UBR4: variants seen among roughly 807,000 people sequenced by gnomAD.
The protein encoded by UBR4 is ubiquitin protein ligase E3 component n-recognin 4, also known as E3 ubiquitin-protein ligase UBR4.
UBR4 carries 124 observed loss-of-function variants against 575.6 expected under a neutral mutation model. The observed-to-expected ratio is 0.22, with a 90% CI of 0.19 to 0.25. UBR4 has a LOEUF of 0.25. UBR4 is among the 10% of genes least tolerant of loss of function. The pLI, the probability that UBR4 is intolerant of heterozygous loss-of-function variation, is 1.00. For synonymous variants in UBR4, 2,455 were observed against 2,473.7 expected (o/e 0.99, Z 0.22); for missense variants, 4,818 against 6,478.8 (o/e 0.74, Z 8.80).
At chr1:19,158,888 T>A (rs1006216670) in intron 39 of UBR4, among the ~76,000 whole-genome samples, 16 of 152,044 alleles carry the variant, frequency 1.1e-4, no homozygotes, top group African/African-American at 3.9e-4. Flanking sequence ...ACACCTATAA[T>A]CCCAGCACTT....
At chr1:19,109,167 C>T (rs1018746760) in intron 81 of UBR4, among the ~76,000 whole-genome samples, 7 of 152,278 alleles carry the variant, frequency 4.6e-5, no homozygotes, top group Non-Finnish European at 1.0e-4. Context: ...AAGGGATGGC[C>T]CATCAGACAG....
At chr1:19,179,598 T>C (rs2090659236) in intron 17 of UBR4, among the ~76,000 whole-genome samples, 1 of 152,210 alleles carries the variant, frequency 6.6e-6, no homozygotes, top group Non-Finnish European at 1.5e-5. Context: ...AGTTTTTCTT[T>C]AATAATCAGT....
At chr1:19,143,204 AG>A (rs1390624337) in intron 55 of UBR4, among the ~76,000 whole-genome samples, 1 of 149,862 alleles carries the variant, frequency 6.7e-6, no homozygotes, top group Non-Finnish European at 1.5e-5. Flanking sequence ...GAAGGAAGGA[AG>A]GAAGGAAAGA....
chr1:19,161,769 G>A (rs1201738822), intron 36 of UBR4, 33 bp from the exon 37 acceptor site: 1 of 1,613,792 alleles, frequency 6.2e-7, no homozygotes, highest in African/African-American at 1.3e-5. Flanking sequence ...AATAAGCTCA[G>A]AAGTCCCAAC....
At chr1:19,079,666 G>A (rs767757681) in intron 103 of UBR4, 1 of 152,336 alleles carries the variant, frequency 6.6e-6, no homozygotes, top group Non-Finnish European at 1.5e-5. Context: ...CCCAGCATCA[G>A]GATGATATCT....
chr1:19,124,666 C>T lies in UBR4; in HGVS notation c.9463G>A (p.Ala3155Thr). The change falls in exon 65 of 106, where the codon GCC becomes ACC. Residue 3155 changes from alanine (A) to threonine (T), a missense_variant. Around this residue, in one of 29 missense-constraint regions of UBR4, gnomAD observed 550 missense variants for 791.5 expected, o/e 0.69. Coordinates refer to ENST00000375254, the MANE Select transcript of UBR4 (RefSeq NM_020765.3). ...ATTTCTGTTAGAAGCTGAGTATAGG[C>T]CTCAAACACATCAGCAGCATGACCC... ...VKGHAADVFE[A>T]YTQLLTEMVL... is the part of the protein sequence containing the mutation. 4 of 1,614,008 alleles carry T rather than the reference C, an allele frequency of 2.5e-6. No homozygotes were observed. The highest frequency in any genetic ancestry group is 3.4e-6 in the Non-Finnish European group (4 of 1,179,976).
chr1:19,145,990 G>A, intron 52 of UBR4, 57 bp from the exon 53 acceptor site: 1 of 1,613,114 alleles, frequency 6.2e-7, no homozygotes, highest in Admixed American at 1.7e-5. Context: ...AATTTAATTT[G>A]TTTTAAGGTT....
chr1:19,176,524 A>G (rs750575529), intron 20 of UBR4, 68 bp downstream of exon 20: 2 of 1,573,322 alleles, frequency 1.3e-6, no homozygotes, highest in East Asian at 2.3e-5. Context: ...AGAGTCCCCA[A>G]GCTTCAAATT....
At chr1:19,127,944 C>G (rs958497859) in intron 62 of UBR4, among the ~76,000 whole-genome samples, 1 of 152,160 alleles carries the variant, frequency 6.6e-6, no homozygotes, top group Non-Finnish European at 1.5e-5. Context: ...AAGATACGAA[C>G]AACTAATTTA....
At chr1:19,097,418 G>A in intron 90 of UBR4, 138 bp from the exon 91 acceptor site, 1 of 580,166 alleles carries the variant, frequency 1.7e-6, no homozygotes, top group Non-Finnish European at 3.0e-6. Context: ...ACAACATCTA[G>A]AATCCAAATG....
chr1:19,156,544 A>G, intron 41 of UBR4, 121 bp from the exon 42 acceptor site: 1 of 1,329,980 alleles, frequency 7.5e-7, no homozygotes. Context: ...CAGTATTTAG[A>G]CTGTCTAGTA....
Position 19,153,570 on chromosome 1 carries a change from A to G in UBR4, c.6631-68T>C. On this transcript the variant is annotated intron_variant, in intron 45 of 105. Coordinates refer to ENST00000375254, the MANE Select transcript of UBR4 (RefSeq NM_020765.3). This position sits in a 1 kb window ranked among gnomAD's most constrained non-coding sequence, Gnocchi z 4.1. ...CAGATCAGCATCCTCACAGAAAAAG[A>G]GGCAGAGATGCAACTGGTTTCATGG... 1 of 1,583,058 alleles carries G rather than the reference A, an allele frequency of 6.3e-7. No homozygotes were observed. Among genetic ancestry groups the G allele is most frequent in the Non-Finnish European group, 8.6e-7 (1 of 1,156,082 alleles).
intron 54 of UBR4, 137 bp downstream of exon 54, chr1:19,144,649 C>T: frequency 7.9e-7 from 1 of 1,268,410 alleles, no homozygotes; most frequent in Non-Finnish European, 1.1e-6. Flanking sequence ...GATCTTAAAG[C>T]TTTTATTGAT....
chr1:19,107,299 A>G lies in UBR4; in HGVS notation c.12106-333T>C, dbSNP rs1194216891. 3.9e-5 allele frequency among the ~76,000 whole-genome samples: 6 copies of G among 152,118 alleles called. 1 individual carries two copies. The South Asian group carries it at 1.2e-3, about 32-fold the overall frequency. Reference sequence around the variant, plus strand: ...AAGCAAAAACCTTCCTAGGGTCACAAGCAGCCTCCAGAATGCAAACTGTCA... The same window carrying G: ...AAGCAAAAACCTTCCTAGGGTCACAGGCAGCCTCCAGAATGCAAACTGTCA... On this transcript the variant is annotated intron_variant, in intron 81 of 105. Coordinates refer to ENST00000375254, the MANE Select transcript of UBR4 (RefSeq NM_020765.3).
intron 11 of UBR4, among the ~76,000 whole-genome samples, chr1:19,190,503 C>T (rs1443258647): frequency 1.3e-5 from 2 of 151,664 alleles, no homozygotes; most frequent in East Asian, 3.9e-4. Flanking sequence ...ATCCAACTGC[C>T]CACTCAACAT....
chr1:19,166,504 G>A (rs1244868663), intron 29 of UBR4, among the ~76,000 whole-genome samples: 2 of 151,828 alleles, frequency 1.3e-5, no homozygotes, highest in East Asian at 1.9e-4. Flanking sequence ...CACAAAAAAC[G>A]ACTCCAAAAA....
Position 19,084,635 on chromosome 1 carries a change from A to G in UBR4, c.14877T>C (p.His4959=), listed in dbSNP as rs1043905. Reference sequence around the variant, plus strand: ...AGCGCAGGAAGAGCAGTTTGATGTCATGGATGTTGAGCTGATACGTGGGCT... The same window carrying G: ...AGCGCAGGAAGAGCAGTTTGATGTCGTGGATGTTGAGCTGATACGTGGGCT... ...QREPTYQLNI[H]DIKLLFLRFA... Residue 4959 remains histidine (H), a synonymous_variant, in exon 102 of 106, where the codon CAT becomes CAC. Coordinates refer to ENST00000375254, the MANE Select transcript of UBR4 (RefSeq NM_020765.3). The G allele has an allele frequency of 0.63, 1,014,527 of 1,613,728 alleles. 323,071 individuals are homozygous for G. The highest frequency in any genetic ancestry group is 0.83 in the East Asian group (37,126 of 44,860).
Position 19,100,595 on chromosome 1 carries a change from G to C in UBR4, c.13024-22C>G, listed in dbSNP as rs2149053603. On this transcript the variant is annotated intron_variant, in intron 88 of 105. Coordinates refer to ENST00000375254, the MANE Select transcript of UBR4 (RefSeq NM_020765.3). The surrounding 1 kb of genome is among the most constrained non-coding windows in gnomAD (Gnocchi z 4.2). The stretch of plus-strand genomic sequence containing the variant: ...CCTCCTGGAGGACAGACAGAAGGGT[G>C]CATCAGAAGGGATGGCAGAGGTGGA... 6.2e-7 allele frequency: 1 copy of C among 1,610,800 alleles called. No homozygotes were observed. The highest frequency in any genetic ancestry group is 1.3e-5 in the African/African-American group (1 of 74,960).
intron 37 of UBR4, 54 bp from the exon 38 acceptor site, chr1:19,161,201 A>G: frequency 1.3e-6 from 2 of 1,533,522 alleles, no homozygotes; most frequent in Non-Finnish European, 1.8e-6. Context: ...CACAGAGGAA[A>G]TACTGCCTGA....
Sources: allele counts gnomAD v4.1 joint callset (sites outside exome capture counted in the v4.1 genomes callset), GRCh38; gene constraint gnomAD v4.1.1; regional missense constraint gnomAD v4.1.1; non-coding constraint Gnocchi (gnomAD v3.1); transcripts MANE v1.5; gene names NCBI Gene and HGNC (gene_info 2026-07-23, HGNC 2026-07-21).